MAST1: variants seen among roughly 807,000 people sequenced by gnomAD.
The protein encoded by MAST1 is microtubule-associated serine/threonine-protein kinase 1.
MAST1 carries 40 observed loss-of-function variants against 124.6 expected under a neutral mutation model. That is an observed-to-expected ratio of 0.32 (90% CI 0.25 to 0.42). MAST1 has a LOEUF of 0.42. Ranked by LOEUF, MAST1 falls within the 10% of genes least tolerant of loss-of-function variation. The pLI is 1.00. For synonymous variants in MAST1, 938 were observed against 939.4 expected (o/e 1.00, Z 0.03); for missense variants, 1,558 against 2,181.9 (o/e 0.71, Z 5.70).
chr19:12,860,486 C>T (rs899001684), intron 12 of MAST1, among the ~76,000 whole-genome samples: 4 of 142,428 alleles, frequency 2.8e-5, no homozygotes, highest in Non-Finnish European at 6.0e-5. Context: ...TGCTCTGTCA[C>T]CAGGCTCGAA....
At position 12,868,468 on chromosome 19, in the gene MAST1, C is replaced by T; in HGVS notation, c.2567-175C>T. The T allele has an allele frequency of 1.2e-5, 7 of 575,644 alleles. No individual in the cohort carries two copies. The South Asian group carries it at 1.6e-4, about 14-fold the overall frequency. 35.7% of individuals were successfully genotyped at this position (575,644 alleles called of 1,614,324 possible). ...TACCATGGTCAGTCAGTGATACAGA[C>T]CGATACAGACTATGTCTCTATATGA... On this transcript the variant is annotated intron_variant, in intron 20 of 25. Coordinates refer to ENST00000251472, the MANE Select transcript of MAST1 (RefSeq NM_014975.3).
chr19:12,838,679 T>C lies in MAST1; in HGVS notation c.83+24T>C, dbSNP rs1173789001. On this transcript the variant is annotated intron_variant, in intron 1 of 25. Coordinates refer to ENST00000251472, the MANE Select transcript of MAST1 (RefSeq NM_014975.3). This position sits in a 1 kb window ranked among gnomAD's most constrained non-coding sequence, Gnocchi z 4.3. ...AGGTAGACCCCCGATCCCCTAGACA[T>C]TGTCCCGGCCCTCCCCGCAAAAGCC... 5.0e-6 allele frequency: 8 copies of C among 1,601,488 alleles called. No individual in the cohort carries two copies. Among genetic ancestry groups the C allele is most frequent in the Non-Finnish European group, 6.8e-6 (8 of 1,173,410 alleles).
At chr19:12,840,409 G>T (rs780898647) in intron 1 of MAST1, 37 bp from the exon 2 acceptor site, 13 of 1,408,296 alleles carry the variant, frequency 9.2e-6, no homozygotes, top group Non-Finnish European at 1.1e-5. Context: ...ACTGGGCTGC[G>T]GCCCGGCCCG....
At chr19:12,871,781 G>T (rs904126414) in intron 24 of MAST1, among the ~76,000 whole-genome samples, 1 of 151,924 alleles carries the variant, frequency 6.6e-6, no homozygotes, top group Non-Finnish European at 1.5e-5. Flanking sequence ...GTTGGGTTTG[G>T]TGGCACACAC....
chr19:12,868,071 G>A, intron 20 of MAST1, 94 bp downstream of exon 20: 1 of 1,115,004 alleles, frequency 9.0e-7, no homozygotes, highest in Non-Finnish European at 1.2e-6. Context: ...GTTTATGAAA[G>A]ATCTCAGGTC....
In MAST1 at chr19:12,838,653, G is replaced by A. The variant is rs976573535; in HGVS notation, c.81G>A (p.Lys27=). 3.7e-6 allele frequency: 6 copies of A among 1,609,138 alleles called. No homozygotes were observed. The highest frequency in any genetic ancestry group is 4.2e-6 in the Non-Finnish European group (5 of 1,178,166). ...FPGGSMFRRT[K]SCRTSNRKSL... ...GCGGCAGTATGTTCCGCCGCACCAAGAGGTAGACCCCCGATCCCCTAGACA... is the reference window on the plus strand; with the variant it reads ...GCGGCAGTATGTTCCGCCGCACCAAAAGGTAGACCCCCGATCCCCTAGACA... Residue 27 remains lysine, a splice_region_variant and synonymous_variant, in exon 1 of 26, where the codon AAG becomes AAA. Coordinates refer to ENST00000251472, the MANE Select transcript of MAST1 (RefSeq NM_014975.3). The surrounding 1 kb of genome is among the most constrained non-coding windows in gnomAD (Gnocchi z 4.3).
At position 12,865,981 on chromosome 19, in the gene MAST1, C is replaced by A. The variant is rs1346617681; in HGVS notation, c.1908C>A (p.Gly636=). Residue 636 remains glycine (G), a splice_region_variant and synonymous_variant, in exon 17 of 26, where the codon GGC becomes GGA. Transcript: ENST00000251472. The surrounding 1 kb of genome is among the most constrained non-coding windows in gnomAD (Gnocchi z 7.1). ...TGGCTGGAATCCCTTCCGTCCCAGG[C>A]GGCGCTTTTGAGGTGAAGCAGCACA... ...QTNPLVRLGA[G]GAFEVKQHSF... The A allele has an allele frequency of 6.2e-7, 1 of 1,613,706 alleles. No homozygotes were observed. The highest frequency in any genetic ancestry group is 1.7e-5 in the Admixed American group (1 of 59,990).
chr19:12,873,652 C>T lies in MAST1; in HGVS notation c.3495C>T (p.Asn1165=), dbSNP rs777726174. 2 of 1,596,594 alleles carry T rather than the reference C, an allele frequency of 1.3e-6. No individual in the cohort carries two copies. Among genetic ancestry groups the T allele is most frequent in the East Asian group, 2.2e-5 (1 of 44,624 alleles). ...GCTCCCCAGCCTCGAGCACGCCCAACTCGCCTGCGTCGTCGGCGTCGCACC... is the reference window on the plus strand; with the variant it reads ...GCTCCCCAGCCTCGAGCACGCCCAATTCGCCTGCGTCGTCGGCGTCGCACC... The part of the protein sequence containing the change: ...QSSSPASSTP[N]SPASSASHHI... The change falls in exon 26 of 26, where the codon AAC becomes AAT. Residue 1165 remains asparagine (N), a synonymous_variant. Coordinates refer to ENST00000251472, the MANE Select transcript of MAST1 (RefSeq NM_014975.3).
In MAST1 at chr19:12,865,776, T is replaced by G; in HGVS notation, c.1864T>G (p.Ser622Ala). ...ALPTEAQLLI[S>A]SLLQTNPLVR... ...ACCTACGGAGGCCCAACTCCTCATA[T>G]CCAGCCTCCTGCAGACCAACCCTCT... The change falls in exon 16 of 26, where the codon TCC becomes GCC. Residue 622 changes from serine (S) to alanine (A), a missense_variant. By Grantham distance (99) the Ser-to-Ala change is moderately conservative. Coordinates refer to ENST00000251472, the MANE Select transcript of MAST1 (RefSeq NM_014975.3). This position sits in a 1 kb window ranked among gnomAD's most constrained non-coding sequence, Gnocchi z 7.1. 6.2e-7 allele frequency: 1 copy of G among 1,613,880 alleles called. No individual in the cohort carries two copies. The highest frequency in any genetic ancestry group is 1.3e-5 in the African/African-American group (1 of 75,048).
At chr19:12,868,255 C>T (rs1214150162) in intron 20 of MAST1, among the ~76,000 whole-genome samples, 1 of 151,366 alleles carries the variant, frequency 6.6e-6, no homozygotes, top group Non-Finnish European at 1.5e-5. Flanking sequence ...ATTACAGGCG[C>T]GCGCCACTAC....
chr19:12,856,672 A>G (rs1970021762), intron 10 of MAST1, among the ~76,000 whole-genome samples: 1 of 152,238 alleles, frequency 6.6e-6, no homozygotes, highest in Non-Finnish European at 1.5e-5. Context: ...ACTTAATAAA[A>G]TAGAGGACTT....
chr19:12,841,133 C>T lies in MAST1; in HGVS notation c.248+67C>T, dbSNP rs1292226539. The T allele has an allele frequency of 1.3e-6, 1 of 798,760 alleles. No homozygotes were observed. The highest frequency in any genetic ancestry group is 2.2e-6 in the Non-Finnish European group (1 of 453,882). 49.5% of individuals were successfully genotyped at this position (798,760 alleles called of 1,614,324 possible). ...CCTCCCCAACCACTGTCTGGGCCGC[C>T]ATCTGTTCTCCTCCTAATTGCACCC... On this transcript the variant is annotated intron_variant, in intron 3 of 25. Transcript: ENST00000251472. This position sits in a 1 kb window ranked among gnomAD's most constrained non-coding sequence, Gnocchi z 4.3.
rs773220710 is a variant in MAST1 at position 12,865,856 on chromosome 19, TAGAG to T, written c.1906+41_1906+44del. ...TGCAGAGGAGCTGAGGGCCCACTGA[TAGAG>T]AGCAGGCCTCCAAAACCCCAGGCCC... On this transcript the variant is annotated intron_variant, in intron 16 of 25. Coordinates refer to ENST00000251472, the MANE Select transcript of MAST1 (RefSeq NM_014975.3). This position sits in a 1 kb window ranked among gnomAD's most constrained non-coding sequence, Gnocchi z 7.1. The T allele has an allele frequency of 6.2e-7, 1 of 1,602,554 alleles. No homozygotes were observed. Among genetic ancestry groups the T allele is most frequent in the African/African-American group, 1.3e-5 (1 of 74,586 alleles).
rs750554965 is a variant in MAST1, at chr19:12,874,063, G to A, written c.3906G>A (p.Leu1302=). Reference sequence around the variant, plus strand: ...TCCGCAAGGACTTCCATGGCGAGCTGGCGCTGCATAGCCTTGCCGAGTCCG... The same window carrying A: ...TCCGCAAGGACTTCCATGGCGAGCTAGCGCTGCATAGCCTTGCCGAGTCCG... ...PDFRKDFHGE[L]ALHSLAESDG... Residue 1302 remains leucine, a synonymous_variant, in exon 26 of 26, where the codon CTG becomes CTA. Transcript: ENST00000251472. The surrounding 1 kb of genome is among the most constrained non-coding windows in gnomAD (Gnocchi z 6.6). The A allele has an allele frequency of 1.3e-6, 2 of 1,597,020 alleles. No individual in the cohort carries two copies. Among genetic ancestry groups the A allele is most frequent in the East Asian group, 2.3e-5 (1 of 44,336 alleles).
At chr19:12,846,489 G>A (rs186534430) in intron 4 of MAST1, among the ~76,000 whole-genome samples, 1 of 152,046 alleles carries the variant, frequency 6.6e-6, no homozygotes, top group South Asian at 2.1e-4. Flanking sequence ...AGGATGAGAA[G>A]GAGGGATCCA....
intron 12 of MAST1, among the ~76,000 whole-genome samples, chr19:12,860,389 T>C (rs1970065296): frequency 6.6e-6 from 1 of 151,812 alleles, no homozygotes; most frequent in African/African-American, 2.4e-5. Flanking sequence ...GTGCTGTGAT[T>C]ACAGGCGTGA....
Position 12,865,850 on chromosome 19 carries a change from C to G in MAST1, c.1906+32C>G, listed in dbSNP as rs572595209. ...CCGCCATGCAGAGGAGCTGAGGGCC[C>G]ACTGATAGAGAGCAGGCCTCCAAAA... On this transcript the variant is annotated intron_variant, in intron 16 of 25. Coordinates refer to ENST00000251472, the MANE Select transcript of MAST1 (RefSeq NM_014975.3). This position sits in a 1 kb window ranked among gnomAD's most constrained non-coding sequence, Gnocchi z 7.1. The G allele has an allele frequency of 6.2e-7, 1 of 1,603,616 alleles. No homozygotes were observed. The highest frequency in any genetic ancestry group is 1.3e-5 in the African/African-American group (1 of 74,794).
Position 12,874,595 on chromosome 19 carries a change from T to C in MAST1, c.4438T>C (p.Trp1480Arg). ...VPEAPRGRER[W>R]VLEVVEERTT... ...CGAGGCCCCCCGGGGCCGGGAGCGCTGGGTGTTGGAGGTGGTGGAGGAGCG... is the reference window on the plus strand; with the variant it reads ...CGAGGCCCCCCGGGGCCGGGAGCGCCGGGTGTTGGAGGTGGTGGAGGAGCG... Residue 1480 changes from tryptophan (W) to arginine (R), a missense_variant, in exon 26 of 26, where the codon TGG (tryptophan) becomes CGG (arginine). Around this residue, in one of 10 missense-constraint regions of MAST1, gnomAD observed 168 missense variants for 154.3 expected, o/e 1.09. Coordinates refer to ENST00000251472, the MANE Select transcript of MAST1 (RefSeq NM_014975.3). This position sits in a 1 kb window ranked among gnomAD's most constrained non-coding sequence, Gnocchi z 6.6. 1.3e-6 allele frequency: 2 copies of C among 1,511,284 alleles called. No homozygotes were observed. The highest frequency in any genetic ancestry group is 1.8e-6 in the Non-Finnish European group (2 of 1,130,918). 93.6% of individuals were successfully genotyped at this position (1,511,284 alleles called of 1,614,324 possible).
chr19:12,869,807 C>T (rs577698704), intron 22 of MAST1, among the ~76,000 whole-genome samples: 1 of 151,590 alleles, frequency 6.6e-6, no homozygotes, highest in African/African-American at 2.4e-5. Flanking sequence ...AATCCCAGCA[C>T]TTTGGGAGGC....
Sources: allele counts gnomAD v4.1 joint callset (sites outside exome capture counted in the v4.1 genomes callset), GRCh38; gene constraint gnomAD v4.1.1; regional missense constraint gnomAD v4.1.1; non-coding constraint Gnocchi (gnomAD v3.1); transcripts MANE v1.5; gene names NCBI Gene and HGNC (gene_info 2026-07-23, HGNC 2026-07-21).